The following EPM2A variants were observed in gnomAD, a reference collection of about 807,000 sequenced individuals.
The protein encoded by EPM2A is EPM2A glucan phosphatase, laforin.
In EPM2A, 21 loss-of-function variants were observed where a neutral mutation model predicts 26.5. The observed-to-expected ratio is 0.79, with a 90% CI of 0.56 to 1.14. The LOEUF (loss-of-function observed/expected upper bound fraction) is 1.14, where lower values mean the gene tolerates loss of function less well. Ranked by LOEUF, EPM2A falls within the 50% of genes most tolerant of loss-of-function variation. EPM2A has a pLI of 0.00. For missense variants in EPM2A, 458 were observed against 440.8 expected (o/e 1.04, Z -0.35); for synonymous variants, 217 against 177.6 (o/e 1.22, Z -1.76).
chr6:145,535,373 A>T lies in EPM2A; in HGVS notation c.341-32798T>A, dbSNP rs574874833. Among the ~76,000 whole-genome samples the T allele has an allele frequency of 4.6e-5, 7 of 152,336 alleles. No homozygotes were observed. In the South Asian group the frequency reaches 1.2e-3, roughly 27 times the overall value. On this transcript the variant is annotated intron_variant, in intron 2 of 3. Coordinates refer to the EPM2A transcript ENST00000450221. ...GACAGTGTTTTTCAACACTCTGCAC[A>T]TTGCAATCACCTGGGGAGTTATTTT...
chr6:145,494,013 G>A (rs941375118), intron 4 of EPM2A, among the ~76,000 whole-genome samples: 2 of 152,206 alleles, frequency 1.3e-5, no homozygotes, highest in African/African-American at 4.8e-5. Context: ...AAGTTAGGGA[G>A]CAGTCCCTCT....
intron 4 of EPM2A, among the ~76,000 whole-genome samples, chr6:145,470,183 T>G (rs1477529053): frequency 6.6e-6 from 1 of 152,174 alleles, no homozygotes; most frequent in Non-Finnish European, 1.5e-5. Context: ...ATTGGAATGT[T>G]TGTAACATCA....
downstream of EPM2A, among the ~76,000 whole-genome samples, chr6:145,622,398 A>T (rs1775656706): frequency 6.6e-6 from 1 of 152,082 alleles, no homozygotes; most frequent in East Asian, 1.9e-4. Context: ...TGTTTTCTGT[A>T]GTGTTGTCCA....
intron 1 of EPM2A, among the ~76,000 whole-genome samples, chr6:145,730,893 T>C (rs1484901251): frequency 6.7e-6 from 1 of 150,362 alleles, no homozygotes; most frequent in Non-Finnish European, 1.5e-5. Flanking sequence ...TGGAGAGGAG[T>C]TGAAAGAAAG....
intron 2 of EPM2A, among the ~76,000 whole-genome samples, chr6:145,539,802 T>G (rs1292857133): frequency 6.6e-6 from 1 of 152,184 alleles, no homozygotes; most frequent in Non-Finnish European, 1.5e-5. Context: ...CTCCCAGGGT[T>G]AGCCAATTCC....
chr6:145,489,909 C>A, intron 4 of EPM2A: 1 of 1,353,090 alleles, frequency 7.4e-7, no homozygotes, highest in South Asian at 1.2e-5. Context: ...CTTCTTCAGT[C>A]TGAATTCGAC....
chr6:145,513,074 CT>C (rs1331430279), intron 2 of EPM2A, among the ~76,000 whole-genome samples: 6 of 152,032 alleles, frequency 3.9e-5, no homozygotes, highest in Non-Finnish European at 8.8e-5. Flanking sequence ...TTTAATCAAA[CT>C]AAAAAGTGCC....
chr6:145,501,558 A>T, downstream of EPM2A: 1 of 291,114 alleles, frequency 3.4e-6, no homozygotes, highest in Non-Finnish European at 6.8e-6. Context: ...GTCCCAAAGC[A>T]CAAAGCTGAG....
intron 4 of EPM2A, among the ~76,000 whole-genome samples, chr6:145,477,429 A>C (rs1190542761): frequency 6.6e-6 from 1 of 151,926 alleles, no homozygotes; most frequent in Admixed American, 6.6e-5. Context: ...TCATTCTATG[A>C]GTCCAGTATT....
intron 1 of EPM2A, among the ~76,000 whole-genome samples, chr6:145,715,810 CA>C (rs1234964156): frequency 6.6e-6 from 1 of 152,216 alleles, no homozygotes; most frequent in African/African-American, 2.4e-5. Context: ...CTCCAACCCA[CA>C]GATGGGACCA....
chr6:145,685,855 G>A (rs1038008276), intron 2 of EPM2A, among the ~76,000 whole-genome samples: 1 of 152,034 alleles, frequency 6.6e-6, no homozygotes, highest in Admixed American at 6.6e-5. Context: ...CACTACATAA[G>A]TACACAGATT....
intron 4 of EPM2A, among the ~76,000 whole-genome samples, chr6:145,488,671 T>C (rs1779711315): frequency 2.0e-5 from 3 of 152,072 alleles, no homozygotes; most frequent in African/African-American, 4.8e-5. Flanking sequence ...ACATTAAGGA[T>C]TGGGGGAAAA....
chr6:145,731,942 T>G (rs769946129), intron 1 of EPM2A, among the ~76,000 whole-genome samples: 1 of 152,180 alleles, frequency 6.6e-6, no homozygotes, highest in Non-Finnish European at 1.5e-5. Flanking sequence ...TAGAAATTAC[T>G]GAGGCAAAGT....
chr6:145,710,138 GCTT>G (rs1379303077), intron 1 of EPM2A, among the ~76,000 whole-genome samples: 1 of 152,080 alleles, frequency 6.6e-6, no homozygotes, highest in Non-Finnish European at 1.5e-5. Context: ...AAACTAAAGA[GCTT>G]CTGCACAGCA....
chr6:145,723,162 G>T (rs1359109612), intron 1 of EPM2A, among the ~76,000 whole-genome samples: 3 of 152,052 alleles, frequency 2.0e-5, no homozygotes, highest in Non-Finnish European at 4.4e-5. Context: ...AGCACAAAAG[G>T]TAATATGAAA....
intron 2 of EPM2A, among the ~76,000 whole-genome samples, chr6:145,528,010 A>T (rs1780302590): frequency 6.6e-6 from 1 of 152,180 alleles, no homozygotes; most frequent in African/African-American, 2.4e-5. Flanking sequence ...TCTGAATAGA[A>T]TTTCAAACTA....
At chr6:145,504,160 T>A (rs1779935830) in intron 2 of EPM2A, among the ~76,000 whole-genome samples, 2 of 134,020 alleles carry the variant, frequency 1.5e-5, no homozygotes, top group South Asian at 5.8e-4. Context: ...AACCTAGGCA[T>A]TACCATTCAG....
exon 5 of EPM2A, chr6:145,383,692 A>ACAGATC (rs1778220817): frequency 6.6e-6 from 1 of 152,242 alleles, no homozygotes. Context: ...GAGCAGAGAC[A>ACAGATC]CAGATCCAGA....
At chr6:145,652,541 A>G (rs1777957525) in intron 2 of EPM2A, among the ~76,000 whole-genome samples, 1 of 152,124 alleles carries the variant, frequency 6.6e-6, no homozygotes, top group Admixed American at 6.6e-5. Context: ...CCACTCAATT[A>G]TTTTAGAAAC....
Sources: allele counts gnomAD v4.1 joint callset (sites outside exome capture counted in the v4.1 genomes callset), GRCh38; gene constraint gnomAD v4.1.1; transcripts MANE v1.5; gene names NCBI Gene and HGNC (gene_info 2026-07-23, HGNC 2026-07-21).